The following OR3A2 variants were observed in gnomAD, a reference collection of about 807,000 sequenced individuals.
The protein encoded by OR3A2 is olfactory receptor family 3 subfamily A member 2, also known as olfactory receptor 3A2.
For missense variants in OR3A2, 318 were observed against 392.8 expected (o/e 0.81, Z 1.61); for synonymous variants, 126 against 159.3 (o/e 0.79, Z 1.57).
chr17:3,346,071 A>C (rs1597351592), intron 2 of OR3A2, among the ~76,000 whole-genome samples: 1 of 152,190 alleles, frequency 6.6e-6, no homozygotes, highest in African/African-American at 2.4e-5. Context: ...AAAGCTAGAC[A>C]AAATATTTTA....
At chr17:3,287,971 T>G (rs76806929), upstream of OR3A2, among the ~76,000 whole-genome samples, 4,122 of 151,676 alleles carry the variant, frequency 0.027, 205 homozygotes, top group African/African-American at 0.093. Flanking sequence ...AATATTTGAC[T>G]TAAAAAGAAA....
intron 3 of OR3A2, among the ~76,000 whole-genome samples, chr17:3,323,925 T>C (rs995524965): frequency 6.6e-6 from 1 of 152,104 alleles, no homozygotes; most frequent in African/African-American, 2.4e-5. Context: ...ATGGGGGAAG[T>C]TCTCCTGGAT....
intron 3 of OR3A2, among the ~76,000 whole-genome samples, chr17:3,296,520 G>T (rs1195787441): frequency 2.0e-5 from 3 of 151,188 alleles, no homozygotes; most frequent in Admixed American, 6.6e-5. Flanking sequence ...TAGGAAAAGG[G>T]GTACATAAAC....
At chr17:3,326,712 C>A (rs2049178043) in intron 3 of OR3A2, among the ~76,000 whole-genome samples, 5 of 111,206 alleles carry the variant, frequency 4.5e-5, no homozygotes, top group Admixed American at 4.4e-4. Context: ...CCTCCCCCCA[C>A]TCCACCACAG....
chr17:3,332,442 C>T (rs531564957), intron 3 of OR3A2, among the ~76,000 whole-genome samples: 209 of 152,326 alleles, frequency 1.4e-3, no homozygotes, highest in South Asian at 4.3e-3. Context: ...GCGCAATATT[C>T]GGGTGGGAGT....
chr17:3,287,431 T>C (rs574548423), upstream of OR3A2, among the ~76,000 whole-genome samples: 1 of 151,200 alleles, frequency 6.6e-6, no homozygotes, highest in East Asian at 2.0e-4. Context: ...GTGTACGCGG[T>C]ATTGTGTCTA....
chr17:3,314,544 G>A (rs757769508), intron 3 of OR3A2, among the ~76,000 whole-genome samples: 2 of 152,190 alleles, frequency 1.3e-5, no homozygotes, highest in East Asian at 1.9e-4. Flanking sequence ...CCCGTAAGCT[G>A]CACACGGTGA....
exon 2 of OR3A2, chr17:3,278,014 C>A: frequency 6.2e-7 from 1 of 1,607,224 alleles, no homozygotes; most frequent in Non-Finnish European, 8.5e-7. Flanking sequence ...CACAGAGCAC[C>A]CTGAACATCA....
intron 2 of OR3A2, among the ~76,000 whole-genome samples, chr17:3,353,900 T>C (rs1329925330): frequency 8.2e-6 from 1 of 121,922 alleles, no homozygotes; most frequent in African/African-American, 3.5e-5. Flanking sequence ...CAAATAGTGG[T>C]TCTTATTCAT....
chr17:3,375,561 CA>C (rs2049676390), intron 2 of OR3A2, among the ~76,000 whole-genome samples: 1 of 152,086 alleles, frequency 6.6e-6, no homozygotes, highest in Non-Finnish European at 1.5e-5. Flanking sequence ...CTCAGCATCC[CA>C]AAATGTTGAG....
chr17:3,326,558 T>C (rs890428838), intron 3 of OR3A2, among the ~76,000 whole-genome samples: 10 of 110,832 alleles, frequency 9.0e-5, no homozygotes, highest in African/African-American at 4.6e-4. Flanking sequence ...TTTTTTCTTC[T>C]TTTTTTTATT....
chr17:3,283,028 T>TTC lies in OR3A2; in HGVS notation c.-7+1328_-7+1329dup, dbSNP rs144145836. On this transcript the variant is annotated intron_variant, in intron 1 of 1. Coordinates refer to ENST00000642052, the Ensembl canonical transcript of OR3A2. Reference sequence around the variant, plus strand: ...TCTTCTGCTCTCCTCTTCTGTCTCTTTCTCTCTCTCTCTCTCTCCTCACCC... The same window carrying TTC: ...TCTTCTGCTCTCCTCTTCTGTCTCTTTCTCTCTCTCTCTCTCTCTCCTCACCC... Among the ~76,000 whole-genome samples the TTC allele has an allele frequency of 2.8e-4, 43 of 151,090 alleles. No homozygotes were observed. The South Asian group carries it at 6.1e-3, about 21-fold the overall frequency.
chr17:3,386,193 G>A, exon 1 of OR3A2: 1 of 398,768 alleles, frequency 2.5e-6, no homozygotes, highest in Non-Finnish European at 4.4e-6. Flanking sequence ...TGCTCCACCC[G>A]GGCCAGGCCA....
rs9911036 is a variant in OR3A2, at chr17:3,311,441, G to A, written c.-85+24592C>T. On this transcript the variant is annotated intron_variant, in intron 3 of 4. Coordinates refer to the OR3A2 transcript ENST00000573491. This position sits in a 1 kb window ranked among gnomAD's most constrained non-coding sequence, Gnocchi z 4.6. ...CAGGGTGCCCTGGTGGGAATTTGCT[G>A]CACTGTCTCCTTCATCAATGCTCTG... The A allele has an allele frequency of 5.7e-3, 2,637 of 466,386 alleles. 49 individuals carry two copies. The highest frequency in any genetic ancestry group is 0.047 in the African/African-American group (2,353 of 50,306). 28.9% of individuals were successfully genotyped at this position (466,386 alleles called of 1,614,324 possible).
At chr17:3,326,565 T>A (rs76146120) in intron 3 of OR3A2, among the ~76,000 whole-genome samples, 12,957 of 150,300 alleles carry the variant, frequency 0.086, 1,063 homozygotes, top group East Asian at 0.48. Flanking sequence ...TTCTTTTTTT[T>A]ATTATACTTT....
At chr17:3,340,076 TTC>T (rs1354627591) in intron 2 of OR3A2, among the ~76,000 whole-genome samples, 1 of 152,190 alleles carries the variant, frequency 6.6e-6, no homozygotes. Context: ...GTTTATAGTA[TTC>T]TCTGATGGTG....
intron 2 of OR3A2, among the ~76,000 whole-genome samples, chr17:3,367,601 G>GCA (rs1555530075): frequency 1.6e-5 from 2 of 122,522 alleles, no homozygotes; most frequent in Non-Finnish European, 3.3e-5. Context: ...GTGTGTGTGT[G>GCA]TATATATATA....
chr17:3,351,756 G>A (rs539417969), intron 2 of OR3A2, among the ~76,000 whole-genome samples: 3 of 152,026 alleles, frequency 2.0e-5, no homozygotes, highest in Non-Finnish European at 4.4e-5. Context: ...CAAAGCTGGA[G>A]GCATCACACT....
chr17:3,302,963 A>G (rs919827443), intron 3 of OR3A2, among the ~76,000 whole-genome samples: 7 of 152,232 alleles, frequency 4.6e-5, no homozygotes, highest in Non-Finnish European at 1.0e-4. Context: ...AGTAATTTAA[A>G]TAGTGTTATA....
Sources: gnomAD v4.1 joint callset for allele counts (sites outside exome capture counted in the v4.1 genomes callset) on GRCh38, gnomAD v4.1.1 for gene constraint, Gnocchi (gnomAD v3.1) non-coding constraint, MANE v1.5 for transcripts, NCBI Gene and HGNC (gene_info 2026-07-23, HGNC 2026-07-21) for gene names.